Variants in ANKRD36 observed in about 807,000 individuals in gnomAD.
The protein encoded by ANKRD36 is ankyrin repeat domain-containing protein 36A.
ANKRD36 carries 179 observed loss-of-function variants against 278.1 expected under a neutral mutation model. The observed-to-expected ratio is 0.64, with a 90% confidence interval of 0.57 to 0.73. The LOEUF (loss-of-function observed/expected upper bound fraction) is 0.73. ANKRD36 is among the 30% of genes least tolerant of loss of function. ANKRD36 has a pLI of 0.00. For synonymous variants in ANKRD36, 320 were observed against 641.1 expected (o/e 0.50, Z 7.57); for missense variants, 1,159 against 1,956.7 (o/e 0.59, Z 7.69).
At chr2:97,219,812 AC>A in intron 66 of ANKRD36, among the ~76,000 whole-genome samples, 1 of 140,544 alleles carries the variant, frequency 7.1e-6, no homozygotes, top group East Asian at 2.2e-4. Context: ...AGATGTTTCT[AC>A]TTTTACATTT....
At chr2:97,230,249 A>G (rs2071459127) in intron 67 of ANKRD36, among the ~76,000 whole-genome samples, 1 of 152,014 alleles carries the variant, frequency 6.6e-6, no homozygotes, top group Admixed American at 6.6e-5. Context: ...CCTTGGTTCC[A>G]TTCTCCCCGT....
chr2:97,149,539 G>A (rs1574950106), intron 12 of ANKRD36, among the ~76,000 whole-genome samples, 178 bp downstream of exon 12: 1 of 151,128 alleles, frequency 6.6e-6, no homozygotes, highest in East Asian at 2.0e-4. Flanking sequence ...TTTTACTTTG[G>A]CAAATAAGAA....
In ANKRD36 at chr2:97,116,456, G is replaced by T. The variant is rs376740414; in HGVS notation, c.198-1608G>T. On this transcript the variant is annotated intron_variant, in intron 1 of 75. Transcript: ENST00000420699. The stretch of plus-strand genomic sequence containing the variant: ...GCCCAGCTAATTTTTGTATATTTTA[G>T]TAAAGACGGGGTTCACCATGTTGGC... Among the ~76,000 whole-genome samples, 16 of 151,986 alleles carry T rather than the reference G, an allele frequency of 1.1e-4. No homozygotes were observed. The South Asian group carries it at 3.3e-3, about 32-fold the overall frequency.
At chr2:97,207,861 T>C in intron 53 of ANKRD36, 22 bp downstream of exon 53, 1 of 1,545,648 alleles carries the variant, frequency 6.5e-7, no homozygotes, top group South Asian at 1.2e-5. Context: ...GTCATTTATA[T>C]TGTGAACTAG....
intron 32 of ANKRD36, 86 bp downstream of exon 32, chr2:97,187,487 T>TG (rs1257646588): frequency 1.5e-3 from 79 of 52,382 alleles, no homozygotes; most frequent in South Asian, 4.1e-3. Flanking sequence ...GGAGGGCGGG[T>TG]GGGGGGGCTC....
chr2:97,233,713 T>A lies in ANKRD36; in HGVS notation c.3952-17T>A, dbSNP rs1455846806. On this transcript the variant is annotated splice_polypyrimidine_tract_variant and intron_variant, in intron 67 of 75. Coordinates refer to ENST00000420699, the MANE Select transcript of ANKRD36 (RefSeq NM_001354587.1). ...ATATTTTGGGGACATTTTGAAACAGTGTTATTTATTTTGTAGGTGAAAAAC... is the reference window on the plus strand; with the variant it reads ...ATATTTTGGGGACATTTTGAAACAGAGTTATTTATTTTGTAGGTGAAAAAC... 3 of 1,372,852 alleles carry A rather than the reference T, an allele frequency of 2.2e-6. No homozygotes were observed. Among genetic ancestry groups the A allele is most frequent in the South Asian group, 1.6e-5 (1 of 62,746 alleles). 85.0% of individuals were successfully genotyped at this position (1,372,852 alleles called of 1,614,324 possible). A position where few individuals can be genotyped will look rare whatever the true frequency, so the allele number is the denominator to read the frequency against.
At chr2:97,178,359 C>G (rs2054983590) in intron 22 of ANKRD36, among the ~76,000 whole-genome samples, 1 of 151,908 alleles carries the variant, frequency 6.6e-6, no homozygotes, top group Admixed American at 6.6e-5. Flanking sequence ...AATCACGCTG[C>G]TATAAAGACA....
At chr2:97,179,649 T>G in intron 22 of ANKRD36, 89 bp from the exon 23 acceptor site, 2 of 1,553,424 alleles carry the variant, frequency 1.3e-6, no homozygotes, top group South Asian at 2.4e-5. Flanking sequence ...AGTACAAAAC[T>G]TGATGCTAAC....
intron 19 of ANKRD36, 28 bp downstream of exon 19, chr2:97,164,339 A>C (rs2050048371): frequency 2.0e-6 from 3 of 1,535,112 alleles, no homozygotes; most frequent in Non-Finnish European, 2.6e-6. Flanking sequence ...AATTATTAAC[A>C]AAATGCTCTG....
At chr2:97,117,560 A>C (rs973215986) in intron 1 of ANKRD36, among the ~76,000 whole-genome samples, 3 of 152,136 alleles carry the variant, frequency 2.0e-5, no homozygotes, top group Non-Finnish European at 4.4e-5. Context: ...AATGGTGAGA[A>C]AATGAGCATC....
chr2:97,228,670 T>G (rs1467742686), intron 67 of ANKRD36, among the ~76,000 whole-genome samples: 1 of 151,420 alleles, frequency 6.6e-6, no homozygotes, highest in Non-Finnish European at 1.5e-5. Context: ...ATTTCTTGCC[T>G]TCTGCTAGCT....
intron 68 of ANKRD36, among the ~76,000 whole-genome samples, chr2:97,241,006 T>TG (rs2074276447): frequency 6.9e-6 from 1 of 144,416 alleles, no homozygotes; most frequent in Non-Finnish European, 1.5e-5. Context: ...TTTTTTTTTT[T>TG]TTTTTTTTTT....
At chr2:97,141,177 A>G (rs1220103486) in intron 6 of ANKRD36, among the ~76,000 whole-genome samples, 1 of 151,484 alleles carries the variant, frequency 6.6e-6, no homozygotes, top group Non-Finnish European at 1.5e-5. Context: ...TAATAAAATA[A>G]TGTATATCTT....
At chr2:97,191,752 C>A (rs1418736949) in intron 36 of ANKRD36, among the ~76,000 whole-genome samples, 3 of 151,550 alleles carry the variant, frequency 2.0e-5, no homozygotes, top group African/African-American at 7.3e-5. Context: ...TTTCATAAAA[C>A]ATATTTGATT....
chr2:97,179,572 ATTTCC>A (rs1413734811), intron 22 of ANKRD36, among the ~76,000 whole-genome samples, 161 bp from the exon 23 acceptor site: 2 of 151,542 alleles, frequency 1.3e-5, no homozygotes, highest in Non-Finnish European at 2.9e-5. Flanking sequence ...TCTTCAGTGT[ATTTCC>A]TTCATGTTTA....
chr2:97,123,099 G>T (rs1230664269), intron 4 of ANKRD36, 106 bp downstream of exon 4: 3 of 915,368 alleles, frequency 3.3e-6, no homozygotes, highest in Non-Finnish European at 4.7e-6. Flanking sequence ...AGACTAACTT[G>T]TAATTATTGG....
intron 54 of ANKRD36, among the ~76,000 whole-genome samples, chr2:97,208,499 T>G (rs1275932931): frequency 3.4e-5 from 5 of 146,200 alleles, no homozygotes; most frequent in Admixed American, 3.4e-4. Flanking sequence ...AGGAAGTCAT[T>G]TATATAATTT....
At chr2:97,139,120 G>C (rs1456045312) in intron 6 of ANKRD36, among the ~76,000 whole-genome samples, 1 of 151,832 alleles carries the variant, frequency 6.6e-6, no homozygotes, top group African/African-American at 2.4e-5. Context: ...AGTTTTATTT[G>C]GGAGTGTGTG....
At chr2:97,175,364 T>C (rs1216552091) in intron 22 of ANKRD36, among the ~76,000 whole-genome samples, 1 of 151,704 alleles carries the variant, frequency 6.6e-6, no homozygotes, top group Non-Finnish European at 1.5e-5. Flanking sequence ...GGAGAGTGTA[T>C]GTGTCTAGGA....
Sources: gnomAD v4.1 joint callset for allele counts (sites outside exome capture counted in the v4.1 genomes callset) on GRCh38, gnomAD v4.1.1 for gene constraint, MANE v1.5 for transcripts, NCBI Gene and HGNC (gene_info 2026-07-23, HGNC 2026-07-21) for gene names.